RIMS2: variants seen among roughly 807,000 people sequenced by gnomAD.
RIMS2 encodes regulating synaptic membrane exocytosis 2, also known as regulating synaptic membrane exocytosis protein 2.
A neutral mutation model predicts 174.4 loss-of-function variants in RIMS2; 59 were observed. The observed-to-expected ratio is 0.34, with a 90% CI of 0.27 to 0.42. RIMS2 has a LOEUF of 0.42. Ranked by LOEUF, RIMS2 falls within the 10% of genes least tolerant of loss-of-function variation. The pLI, the probability that RIMS2 is intolerant of heterozygous loss-of-function variation, is 1.00. For synonymous variants in RIMS2, 606 were observed against 572.5 expected, an observed-to-expected ratio of 1.06 and a Z score of -0.84; for missense variants, 1,620 against 1,666.3, an observed-to-expected ratio of 0.97 and a Z score of 0.48.
chr8:103,697,905 G>A (rs925541091), intron 2 of RIMS2, among the ~76,000 whole-genome samples: 1 of 152,052 alleles, frequency 6.6e-6, no homozygotes, highest in African/African-American at 2.4e-5. Flanking sequence ...TGTGCCTGTA[G>A]TCCCAGCTAC....
chr8:103,942,841 T>C (rs2082848941), exon 14 of RIMS2: 2 of 1,612,774 alleles, frequency 1.2e-6, no homozygotes, highest in Non-Finnish European at 1.7e-6. Flanking sequence ...AGACGCATGA[T>C]GTCTCTTCAT....
At chr8:104,062,515 G>C (rs2097019743) in intron 19 of RIMS2, among the ~76,000 whole-genome samples, 1 of 152,156 alleles carries the variant, frequency 6.6e-6, no homozygotes, top group South Asian at 2.1e-4. Flanking sequence ...CTTATCTCAT[G>C]AGACATATTA....
Position 103,766,171 on chromosome 8 carries a change from A to C in RIMS2, c.388-56A>C, listed in dbSNP as rs954063698. ...TTTGCTTGAATTTTTGTCTCTTTTT[A>C]TTTGTTTTTAACTTTTGGGAACACT... On this transcript the variant is annotated intron_variant, in intron 2 of 23. Transcript: ENST00000504942. 1.5e-5 allele frequency: 19 copies of C among 1,274,370 alleles called. No homozygotes were observed. In the Admixed American group the frequency reaches 3.6e-4, roughly 24 times the overall value. 78.9% of individuals were successfully genotyped at this position (1,274,370 alleles called of 1,614,324 possible). A position where few individuals can be genotyped will look rare whatever the true frequency, so the allele number is the denominator to read the frequency against.
chr8:103,990,300 A>G (rs1374713072), intron 17 of RIMS2, among the ~76,000 whole-genome samples: 1 of 152,094 alleles, frequency 6.6e-6, no homozygotes, highest in African/African-American at 2.4e-5. Context: ...TACTTAATTC[A>G]TGCTTAATTT....
chr8:103,806,682 C>T (rs962849195), intron 3 of RIMS2, among the ~76,000 whole-genome samples: 1 of 150,976 alleles, frequency 6.6e-6, no homozygotes, highest in African/African-American at 2.4e-5. Context: ...ATTAATGCAC[C>T]GAGAAGCTAG....
At chr8:103,644,110 T>C (rs2096280802) in intron 1 of RIMS2, among the ~76,000 whole-genome samples, 1 of 151,856 alleles carries the variant, frequency 6.6e-6, no homozygotes, top group African/African-American at 2.4e-5. Context: ...AGATAATACT[T>C]ATGCAAGTGT....
chr8:103,611,697 A>T (rs115310592), intron 1 of RIMS2, among the ~76,000 whole-genome samples: 4,704 of 150,632 alleles, frequency 0.031, 220 homozygotes, highest in African/African-American at 0.11. Flanking sequence ...TGCTTTTAGG[A>T]TCCTTTCTTT....
In RIMS2 at chr8:103,993,116, A is replaced by G. The variant is rs149148544; in HGVS notation, c.3044+3695A>G. ...GTGACAGAGTAAGACTGTCTCAAAA[A>G]AATATATATATATTTTAAGAGCTTT... On this transcript the variant is annotated intron_variant, in intron 17 of 23. Transcript: ENST00000504942. Among the ~76,000 whole-genome samples, 1,440 of 152,288 alleles carry G rather than the reference A, an allele frequency of 9.5e-3. 10 individuals carry two copies. The highest frequency in any genetic ancestry group is 0.034 in the Middle Eastern group (10 of 294).
intron 19 of RIMS2, among the ~76,000 whole-genome samples, chr8:104,221,297 T>C (rs1013341032): frequency 6.6e-6 from 1 of 152,158 alleles, no homozygotes; most frequent in Non-Finnish European, 1.5e-5. Context: ...AATAGTGCAA[T>C]TGATGCACTA....
At chr8:103,883,597 A>G (rs1054382119) in intron 3 of RIMS2, among the ~76,000 whole-genome samples, 1 of 151,908 alleles carries the variant, frequency 6.6e-6, no homozygotes, top group African/African-American at 2.4e-5. Context: ...AAATGCTAAA[A>G]AATATCACAT....
chr8:103,990,716 C>A (rs1334389545), intron 17 of RIMS2, among the ~76,000 whole-genome samples: 1 of 151,790 alleles, frequency 6.6e-6, no homozygotes, highest in Non-Finnish European at 1.5e-5. Context: ...TATTTATATA[C>A]CAAGTCATAA....
intron 19 of RIMS2, among the ~76,000 whole-genome samples, chr8:104,119,194 A>C (rs13254823): frequency 0.22 from 33,451 of 151,350 alleles, 4,338 homozygotes; most frequent in East Asian, 0.58. Context: ...AAAAACAAAA[A>C]AAAAAAAAAT....
At chr8:103,798,555 G>A (rs183545309) in intron 3 of RIMS2, among the ~76,000 whole-genome samples, 148 of 152,138 alleles carry the variant, frequency 9.7e-4, no homozygotes, top group Non-Finnish European at 2.0e-3. Context: ...ATGGCACTTC[G>A]GTGATTTGTG....
chr8:103,510,592 G>C (rs2131069839), intron 1 of RIMS2, among the ~76,000 whole-genome samples: 1 of 152,158 alleles, frequency 6.6e-6, no homozygotes, highest in East Asian at 1.9e-4. Flanking sequence ...ACCTCCTAGA[G>C]GCCTCTTTCT....
At chr8:104,001,594 C>G (rs2095390961) in intron 17 of RIMS2, among the ~76,000 whole-genome samples, 1 of 150,964 alleles carries the variant, frequency 6.6e-6, no homozygotes. Flanking sequence ...GCTGAGTTTG[C>G]AGTGTAACTT....
chr8:104,197,467 G>C (rs942017729), intron 19 of RIMS2, among the ~76,000 whole-genome samples: 1 of 152,192 alleles, frequency 6.6e-6, no homozygotes, highest in African/African-American at 2.4e-5. Context: ...GTGAGCCACT[G>C]TGCCTGGCCA....
At chr8:104,031,090 G>A (rs1374986263) in intron 19 of RIMS2, among the ~76,000 whole-genome samples, 2 of 151,968 alleles carry the variant, frequency 1.3e-5, no homozygotes, top group Non-Finnish European at 2.9e-5. Flanking sequence ...ATGATACCAA[G>A]CTGTTACTAC....
chr8:103,832,578 C>T (rs1425133984), intron 3 of RIMS2, among the ~76,000 whole-genome samples: 1 of 152,102 alleles, frequency 6.6e-6, no homozygotes, highest in Admixed American at 6.5e-5. Flanking sequence ...TGTTGTTCGC[C>T]TCTATGTGTC....
At chr8:103,618,314 C>G (rs750651780) in intron 1 of RIMS2, among the ~76,000 whole-genome samples, 1 of 151,956 alleles carries the variant, frequency 6.6e-6, no homozygotes, top group Non-Finnish European at 1.5e-5. Context: ...ACACTAGGAT[C>G]TACTTGAATG....
Sources: allele counts gnomAD v4.1 joint callset (sites outside exome capture counted in the v4.1 genomes callset), GRCh38; gene constraint gnomAD v4.1.1; transcripts MANE v1.5; gene names NCBI Gene and HGNC (gene_info 2026-07-23, HGNC 2026-07-21).